PCDHA9: variants seen among roughly 807,000 people sequenced by gnomAD.
PCDHA9 encodes protocadherin alpha-9.
In PCDHA9, 62 loss-of-function variants were observed where a neutral mutation model predicts 62.0. That is an observed-to-expected ratio of 1.00 (90% CI 0.81 to 1.23). PCDHA9 has a LOEUF of 1.23. Among genes scored for constraint, PCDHA9 ranks in the 50% most tolerant of loss-of-function variants. The probability of loss-of-function intolerance (pLI) is 0.00; values close to 1 mark genes in which losing one functional copy is unlikely to be tolerated. For synonymous variants in PCDHA9, 557 were observed against 567.6 expected (o/e 0.98, Z 0.27); for missense variants, 1,205 against 1,249.8 (o/e 0.96, Z 0.54).
chr5:141,002,080 C>A (rs1220737696), intron 3 of PCDHA9, among the ~76,000 whole-genome samples: 1 of 152,236 alleles, frequency 6.6e-6, no homozygotes, highest in Non-Finnish European at 1.5e-5. Context: ...CGCCAAAGAA[C>A]GAGCAGTCCA....
chr5:140,881,336 G>C (rs2058671987), intron 1 of PCDHA9: 1 of 984,948 alleles, frequency 1.0e-6, no homozygotes. Context: ...CCAGGACGCC[G>C]ATTCGGGCTA....
At chr5:140,958,711 T>C (rs1402769483) in intron 1 of PCDHA9, among the ~76,000 whole-genome samples, 1 of 152,216 alleles carries the variant, frequency 6.6e-6, no homozygotes, top group Non-Finnish European at 1.5e-5. Flanking sequence ...AACTCTGTTA[T>C]AATAAATGTA....
intron 1 of PCDHA9, among the ~76,000 whole-genome samples, chr5:140,938,177 C>A (rs1165477047): frequency 6.6e-6 from 1 of 152,110 alleles, no homozygotes; most frequent in African/African-American, 2.4e-5. Flanking sequence ...AGCTCCTGGG[C>A]TCAAGCAATC....
intron 3 of PCDHA9, among the ~76,000 whole-genome samples, chr5:141,003,903 G>A (rs150270772): frequency 6.6e-6 from 1 of 152,076 alleles, no homozygotes; most frequent in Non-Finnish European, 1.5e-5. Flanking sequence ...CCATTCATTT[G>A]GGTCTTGACT....
chr5:140,927,049 C>T (rs1554203972), intron 1 of PCDHA9: 5 of 1,611,932 alleles, frequency 3.1e-6, no homozygotes, highest in Non-Finnish European at 4.2e-6. Context: ...TATGTCCTCG[C>T]GGAACTTTCG....
At chr5:140,986,135 A>G (rs2097188048) in intron 3 of PCDHA9, among the ~76,000 whole-genome samples, 1 of 152,256 alleles carries the variant, frequency 6.6e-6, no homozygotes, top group Non-Finnish European at 1.5e-5. Flanking sequence ...GAAAGGATCA[A>G]CAAGGGCATC....
At chr5:140,877,593 G>A in intron 1 of PCDHA9, 2 of 1,613,854 alleles carry the variant, frequency 1.2e-6, no homozygotes, top group Non-Finnish European at 1.7e-6. Context: ...TCTGTGCGGT[G>A]TCCAGCCTGC....
At chr5:141,005,696 C>A (rs1269379462) in intron 3 of PCDHA9, among the ~76,000 whole-genome samples, 1 of 105,034 alleles carries the variant, frequency 9.5e-6, no homozygotes, top group African/African-American at 4.2e-5. Flanking sequence ...AGCGAAACTC[C>A]GTCTCAAAAA....
intron 1 of PCDHA9, among the ~76,000 whole-genome samples, chr5:140,888,420 C>T (rs947790198): frequency 3.3e-5 from 5 of 152,130 alleles, no homozygotes; most frequent in African/African-American, 4.8e-5. Context: ...AACATCCTAC[C>T]GTGCACAGGA....
intron 1 of PCDHA9, chr5:140,858,541 C>T (rs1021379839): frequency 7.9e-6 from 11 of 1,395,984 alleles, no homozygotes; most frequent in Non-Finnish European, 1.1e-5. Context: ...TGTCTACATT[C>T]CATTTATGCT....
chr5:140,851,112 C>A lies in PCDHA9; in HGVS notation c.2394+223C>A. On this transcript the variant is annotated intron_variant, in intron 1 of 3. Coordinates refer to ENST00000532602, the MANE Select transcript of PCDHA9 (RefSeq NM_031857.2). ...AATAGATATTTTTTGGGTGCTGAAT[C>A]AATTTTATTTAAATTTGTGATTAAA... The A allele has an allele frequency of 5.4e-6, 7 of 1,301,380 alleles. 1 individual carries two copies. The highest frequency in any genetic ancestry group is 7.0e-6 in the Non-Finnish European group (7 of 1,004,338). 80.6% of individuals were successfully genotyped at this position (1,301,380 alleles called of 1,614,324 possible). A position where few individuals can be genotyped will look rare whatever the true frequency, so the allele number is the denominator to read the frequency against.
chr5:140,992,676 G>A (rs2097524186), intron 3 of PCDHA9, among the ~76,000 whole-genome samples: 1 of 152,146 alleles, frequency 6.6e-6, no homozygotes, highest in African/African-American at 2.4e-5. Flanking sequence ...GTATGTGTGT[G>A]TTAGGGGTTG....
chr5:140,886,828 A>G (rs74967108), intron 1 of PCDHA9, among the ~76,000 whole-genome samples: 4 of 133,052 alleles, frequency 3.0e-5, no homozygotes, highest in Non-Finnish European at 6.5e-5. Flanking sequence ...CTTCGTCTTG[A>G]AAAAAAAAAA....
chr5:140,926,884 A>G, intron 1 of PCDHA9: 7 of 1,542,402 alleles, frequency 4.5e-6, no homozygotes, highest in Non-Finnish European at 6.1e-6. Flanking sequence ...GTGGACGCCT[A>G]GAGGGAGGAT....
chr5:140,851,920 T>C (rs2042197222), intron 1 of PCDHA9: 1 of 967,994 alleles, frequency 1.0e-6, no homozygotes, highest in African/African-American at 1.8e-5. Context: ...CTACATGTTA[T>C]GTTTCCTGAA....
intron 1 of PCDHA9, among the ~76,000 whole-genome samples, chr5:140,921,599 G>A (rs2080288942): frequency 6.6e-6 from 1 of 152,036 alleles, no homozygotes; most frequent in African/African-American, 2.4e-5. Flanking sequence ...GGTTTCAAAG[G>A]TAATAAGAAA....
At position 140,879,675 on chromosome 5, in the gene PCDHA9, G is replaced by T. The variant is rs141369145; in HGVS notation, c.2394+28786G>T. ...TATAACAAACGAACACAAACTGGGT[G>T]CTGTAAAACAGCAAAAGTTTATTAT... On this transcript the variant is annotated intron_variant, in intron 1 of 3. Transcript: ENST00000532602. 5.3e-5 allele frequency among the ~76,000 whole-genome samples: 8 copies of T among 152,360 alleles called. No homozygotes were observed. The East Asian group carries it at 1.3e-3, about 26-fold the overall frequency.
intron 1 of PCDHA9, chr5:140,928,174 C>T (rs2085016971): frequency 1.9e-6 from 3 of 1,614,060 alleles, no homozygotes; most frequent in African/African-American, 1.3e-5. Flanking sequence ...ACTTAGCACC[C>T]GAAGGACAAT....
At chr5:140,970,909 A>G (rs1356718314) in intron 1 of PCDHA9, among the ~76,000 whole-genome samples, 1 of 152,180 alleles carries the variant, frequency 6.6e-6, no homozygotes, top group African/African-American at 2.4e-5. Context: ...AGATTTATTC[A>G]TTTATCAGAA....
Sources: gnomAD v4.1 joint callset for allele counts (sites outside exome capture counted in the v4.1 genomes callset) on GRCh38, gnomAD v4.1.1 for gene constraint, MANE v1.5 for transcripts, NCBI Gene and HGNC (gene_info 2026-07-23, HGNC 2026-07-21) for gene names.